The following TOR1A variants were observed in gnomAD, a reference collection of about 807,000 sequenced individuals.
TOR1A encodes the protein torsin family 1 member A.
TOR1A carries 18 observed loss-of-function variants against 31.4 expected under a neutral mutation model. The observed-to-expected ratio is 0.57, with a 90% CI of 0.40 to 0.85. TOR1A has a LOEUF of 0.85. Among genes scored for constraint, TOR1A ranks in the 40% least tolerant of loss-of-function variants. The probability of loss-of-function intolerance (pLI) is 0.00; values close to 1 mark genes in which losing one functional copy is unlikely to be tolerated. For synonymous variants in TOR1A, 168 were observed against 165.9 expected, an observed-to-expected ratio of 1.01 and a Z score of -0.10; for missense variants, 375 against 416.4, an observed-to-expected ratio of 0.90 and a Z score of 0.87.
rs200493208 is a variant in TOR1A, at chr9:129,824,060, C to G, written c.26G>C (p.Gly9Ala). 1.5e-3 allele frequency: 2,382 copies of G among 1,596,450 alleles called. 41 individuals are homozygous for G. Among genetic ancestry groups the G allele is most frequent in the South Asian group, 1.3e-3 (112 of 89,110 alleles). The change falls in exon 1 of 5, where the codon GGC (glycine) becomes GCC (alanine). Residue 9 changes from glycine to alanine, a missense_variant. Coordinates refer to ENST00000351698, the MANE Select transcript of TOR1A (RefSeq NM_000113.3). The stretch of plus-strand genomic sequence containing the variant: ...CACGGACGGCGCCAGCAGCAGCAGG[C>G]CCAGCACGGCCCGGCCCAGCTTCAT... MKLGRAVL[G>A]LLLLAPSVVQ...
intron 4 of TOR1A, among the ~76,000 whole-genome samples, chr9:129,817,767 G>A (rs2031075830): frequency 6.8e-6 from 1 of 147,320 alleles, no homozygotes; most frequent in Non-Finnish European, 1.5e-5. Context: ...TTGGGAGGCT[G>A]AGGCGGGAGG....
intron 4 of TOR1A, 109 bp downstream of exon 4, chr9:129,818,411 T>G: frequency 5.1e-6 from 8 of 1,558,158 alleles, no homozygotes; most frequent in Non-Finnish European, 7.0e-6. Context: ...GAATCTGCAT[T>G]TCTTTCTACC....
rs1285711883 is a variant in TOR1A at position 129,814,137 on chromosome 9, T to A, written c.834A>T (p.Lys278Asn). 1 of 1,614,182 alleles carries A rather than the reference T, an allele frequency of 6.2e-7. No individual in the cohort carries two copies. The highest frequency in any genetic ancestry group is 1.7e-5 in the Admixed American group (1 of 60,020). ...ACTGCATTTCCACTCGGATACACAT[T>A]TTTAGGTGTTTGTATTCCAGGGGGA... ...PFLPLEYKHL[K>N]MCIRVEMQSR... Residue 278 changes from lysine to asparagine, a missense_variant, in exon 5 of 5, where the codon AAA (lysine) becomes AAT (asparagine). Transcript: ENST00000351698.
chr9:129,823,769 C>CAGCCCTAGTCCT, intron 1 of TOR1A, 139 bp downstream of exon 1: 1 of 1,132,448 alleles, frequency 8.8e-7, no homozygotes, highest in Non-Finnish European at 1.2e-6. Flanking sequence ...GGCCCCGCTC[C>CAGCCCTAGTCCT]AGCCCTAGTC....
intron 4 of TOR1A, among the ~76,000 whole-genome samples, chr9:129,818,044 C>T (rs1319036757): frequency 2.0e-5 from 3 of 150,560 alleles, no homozygotes; most frequent in East Asian, 2.0e-4. Flanking sequence ...CAGTGGCTCA[C>T]GCCTGTAATC....
intron 2 of TOR1A, chr9:129,822,209 G>A: frequency 2.9e-6 from 1 of 344,962 alleles, no homozygotes; most frequent in Non-Finnish European, 5.6e-6. Context: ...AGGTTGCAGT[G>A]AGCTGAGATC....
Position 129,813,895 on chromosome 9 carries a change from G to C in TOR1A, c.*77C>G. On this transcript the variant is annotated 3_prime_UTR_variant, in exon 5 of 5. Transcript: ENST00000351698. ...ATTCCTCTTCCAGGGAAAGGAGCTG[G>C]GGGTGGAAGTGTGGAAGGACTGAGT... 1 of 1,567,528 alleles carries C rather than the reference G, an allele frequency of 6.4e-7. No homozygotes were observed. Among genetic ancestry groups the C allele is most frequent in the Non-Finnish European group, 8.7e-7 (1 of 1,145,966 alleles).
In TOR1A at chr9:129,824,071, C is replaced by G. The variant is rs754027929; in HGVS notation, c.15G>C (p.Arg5=). The G allele has an allele frequency of 3.8e-5, 61 of 1,590,974 alleles. No individual in the cohort carries two copies. Among genetic ancestry groups the G allele is most frequent in the Non-Finnish European group, 4.9e-5 (58 of 1,171,960 alleles). ...CCAGCAGCAGCAGGCCCAGCACGGC[C>G]CGGCCCAGCTTCATGCCCGGACCCG... MKLG[R]AVLGLLLLAP... Residue 5 remains arginine, a synonymous_variant, in exon 1 of 5, where the codon CGG becomes CGC. Coordinates refer to ENST00000351698, the MANE Select transcript of TOR1A (RefSeq NM_000113.3).
In TOR1A at chr9:129,817,838, C is replaced by CAAA. The variant is rs760010551; in HGVS notation, c.748+679_748+681dup. Among the ~76,000 whole-genome samples, 16 of 45,734 alleles carry CAAA rather than the reference C, an allele frequency of 3.5e-4. 1 individual carries two copies. The highest frequency in any genetic ancestry group is 7.5e-4 in the East Asian group (1 of 1,332). 30.0% of individuals were successfully genotyped at this position (45,734 alleles called of 152,430 possible). On this transcript the variant is annotated intron_variant, in intron 4 of 4. Coordinates refer to ENST00000351698, the MANE Select transcript of TOR1A (RefSeq NM_000113.3). The stretch of plus-strand genomic sequence containing the variant: ...AAACATAGGAAGACCCAGTCTCTAC[C>CAAA]AAAAAAAAAAAAAAAAAAAAAAAAA...
chr9:129,815,517 G>A (rs1204296061), intron 4 of TOR1A, among the ~76,000 whole-genome samples: 3 of 152,232 alleles, frequency 2.0e-5, no homozygotes, highest in African/African-American at 7.2e-5. Context: ...GAGAGCGGGA[G>A]GTGGAGCAGG....
In TOR1A at chr9:129,814,065, C is replaced by T. The variant is rs758682715; in HGVS notation, c.906G>A (p.Glu302=). The T allele has an allele frequency of 8.1e-6, 13 of 1,614,172 alleles. No individual in the cohort carries two copies. Among genetic ancestry groups the T allele is most frequent in the East Asian group, 6.7e-5 (3 of 44,892 alleles). The change falls in exon 5 of 5, where the codon GAG becomes GAA. Residue 302 remains glutamate, a synonymous_variant. Transcript: ENST00000351698. ...IDEDIVSRVA[E]EMTFFPKEER... is the part of the protein sequence containing the mutation. ...CCTCTTTGGGGAAAAATGTCATCTC[C>T]TCAGCCACTCTGCTTACAATGTCTT...
intron 2 of TOR1A, 140 bp downstream of exon 2, chr9:129,822,439 TAC>T (rs1452525361): frequency 1.7e-6 from 2 of 1,198,524 alleles, no homozygotes; most frequent in Non-Finnish European, 2.4e-6. Flanking sequence ...TCTTAACTTC[TAC>T]ACCTTTCCAA....
intron 2 of TOR1A, among the ~76,000 whole-genome samples, chr9:129,820,342 G>A (rs1378957156): frequency 6.6e-6 from 1 of 152,022 alleles, no homozygotes. Flanking sequence ...GGCTGGTCTT[G>A]AACTCTTGAC....
chr9:129,814,706 G>A (rs2030990276), intron 4 of TOR1A, among the ~76,000 whole-genome samples: 1 of 151,340 alleles, frequency 6.6e-6, no homozygotes, highest in Non-Finnish European at 1.5e-5. Context: ...TGGGGCCCAG[G>A]AACAAGCAGA....
rs2030950296 is a variant in TOR1A, at chr9:129,813,560, C to A, written c.*412G>T. On this transcript the variant is annotated 3_prime_UTR_variant, in exon 5 of 5. Coordinates refer to ENST00000351698, the MANE Select transcript of TOR1A (RefSeq NM_000113.3). Reference sequence around the variant, plus strand: ...AATGATGAGAACTTAAAAAAAAACACACACACAAGGCCAACAACTTAGAAT... The same window carrying A: ...AATGATGAGAACTTAAAAAAAAACAAACACACAAGGCCAACAACTTAGAAT... The A allele has an allele frequency of 1.0e-5, 3 of 291,998 alleles. No homozygotes were observed. Among genetic ancestry groups the A allele is most frequent in the South Asian group, 6.4e-5 (2 of 31,412 alleles). The allele number at this position is 291,998 out of a possible 1,614,324, so 18.1% of individuals were successfully genotyped here.
chr9:129,821,897 G>GA (rs36012219), intron 2 of TOR1A: 335 of 135,298 alleles, frequency 2.5e-3, no homozygotes, highest in East Asian at 7.2e-3. Flanking sequence ...CTGACTCAAA[G>GA]AAAAAAAAAA....
At chr9:129,821,649 T>G (rs2031186434) in intron 2 of TOR1A, 1 of 151,964 alleles carries the variant, frequency 6.6e-6, no homozygotes, top group Admixed American at 6.6e-5. Flanking sequence ...ATCCTAGCAC[T>G]CTGGGAGGCT....
chr9:129,813,345 A>G lies in TOR1A; in HGVS notation c.*627T>C. Reference sequence around the variant, plus strand: ...TTTCAGGCTTATCTGTGGTGCCTGAAGGCGTCCTCTTACCTACTTGTCCTT... The same window carrying G: ...TTTCAGGCTTATCTGTGGTGCCTGAGGGCGTCCTCTTACCTACTTGTCCTT... On this transcript the variant is annotated 3_prime_UTR_variant, in exon 5 of 5. Coordinates refer to ENST00000351698, the MANE Select transcript of TOR1A (RefSeq NM_000113.3). 6.2e-6 allele frequency: 1 copy of G among 161,262 alleles called. No individual in the cohort carries two copies. Among genetic ancestry groups the G allele is most frequent in the Admixed American group, 5.9e-5 (1 of 16,916 alleles). 10.0% of individuals were successfully genotyped at this position (161,262 alleles called of 1,614,324 possible). A position where few individuals can be genotyped will look rare whatever the true frequency, so the allele number is the denominator to read the frequency against.
At chr9:129,816,364 C>CG (rs2031039117) in intron 4 of TOR1A, among the ~76,000 whole-genome samples, 1 of 152,080 alleles carries the variant, frequency 6.6e-6, no homozygotes, top group South Asian at 2.1e-4. Context: ...CTACTGGCCC[C>CG]GGGGGGAAAG....
Sources: allele counts gnomAD v4.1 joint callset (sites outside exome capture counted in the v4.1 genomes callset), GRCh38; gene constraint gnomAD v4.1.1; transcripts MANE v1.5; gene names NCBI Gene and HGNC (gene_info 2026-07-23, HGNC 2026-07-21).